NFIB: variants seen among roughly 807,000 people sequenced by gnomAD.
NFIB encodes nuclear factor I B.
Under a neutral mutation model 61.5 loss-of-function variants are expected in NFIB, and 11 were observed. That is an observed-to-expected ratio of 0.18 (90% CI 0.11 to 0.30). NFIB has a LOEUF of 0.30. NFIB is among the 10% of genes least tolerant of loss of function. The probability of loss-of-function intolerance (pLI) is 1.00; values close to 1 mark genes in which losing one functional copy is unlikely to be tolerated. For missense variants in NFIB, 471 were observed against 608.9 expected (o/e 0.77, Z 2.38); for synonymous variants, 260 against 216.5 (o/e 1.20, Z -1.76).
chr9:14,358,951 T>C lies in NFIB; in HGVS notation c.108+39573A>G, dbSNP rs796222299. On this transcript the variant is annotated intron_variant, in intron 1 of 8. Transcript: ENST00000380934. ...ATCATTTGACTGCATTTTACTATTATTTATGCTCTTGAGTTTACTTACATC... is the reference window on the plus strand; with the variant it reads ...ATCATTTGACTGCATTTTACTATTACTTATGCTCTTGAGTTTACTTACATC... 3.9e-4 allele frequency among the ~76,000 whole-genome samples: 59 copies of C among 152,364 alleles called. 1 individual carries two copies. Among genetic ancestry groups the C allele is most frequent in the African/African-American group, 1.3e-3 (55 of 41,590 alleles).
chr9:14,313,800 G>T lies in NFIB; in HGVS notation c.-289C>A. The T allele has an allele frequency of 7.5e-7, 1 of 1,330,724 alleles. No homozygotes were observed. The highest frequency in any genetic ancestry group is 9.6e-7 in the Non-Finnish European group (1 of 1,040,534). 82.4% of individuals were successfully genotyped at this position (1,330,724 alleles called of 1,614,324 possible). On this transcript the variant is annotated 5_prime_UTR_variant, in exon 1 of 11. Transcript: ENST00000380953. This position sits in a 1 kb window ranked among gnomAD's most constrained non-coding sequence, Gnocchi z 4.5. ...GCTTGCCGAGGCCGCCGCCGCCGCC[G>T]GTGTTGGCTGCTTTTCGCCTGGGTT... is the stretch of plus-strand genomic sequence containing the variant.
the NFIB span, among the ~76,000 whole-genome samples, chr9:14,494,360 T>C: frequency 6.6e-6 from 1 of 152,210 alleles, no homozygotes; most frequent in Non-Finnish European, 1.5e-5. Flanking sequence ...GACTTCTTAA[T>C]TTCCCCTTTT....
At chr9:14,488,362 CAAA>C in the NFIB span, among the ~76,000 whole-genome samples, 5 of 128,324 alleles carry the variant, frequency 3.9e-5, no homozygotes, top group Non-Finnish European at 5.2e-5. Flanking sequence ...GACCTTGTCT[CAAA>C]AAAAAAAAAA....
chr9:14,174,244 A>G (rs183474399), intron 3 of NFIB, among the ~76,000 whole-genome samples: 191 of 152,288 alleles, frequency 1.3e-3, no homozygotes, highest in Admixed American at 3.4e-3. Context: ...TAAAGGTTTT[A>G]CCTACGATGT....
intron 2 of NFIB, among the ~76,000 whole-genome samples, chr9:14,187,178 TAAC>T (rs1202765074): frequency 6.6e-6 from 1 of 150,768 alleles, no homozygotes; most frequent in Admixed American, 6.6e-5. Context: ...AAACTTAACT[TAAC>T]AAGCTGTTCA....
Position 14,083,479 on chromosome 9 carries a change from T to TAAAAAAAA in NFIB, c.*4822_*4829dup, listed in dbSNP as rs33918801. The TAAAAAAAA allele has an allele frequency of 7.7e-6, 1 of 129,284 alleles. No individual in the cohort carries two copies. 8.0% of individuals were successfully genotyped at this position (129,284 alleles called of 1,614,324 possible). A position where few individuals can be genotyped will look rare whatever the true frequency, so the allele number is the denominator to read the frequency against. On this transcript the variant is annotated 3_prime_UTR_variant, in exon 11 of 11. Transcript: ENST00000380953. The stretch of plus-strand genomic sequence containing the variant: ...TATTGAACTTGAATAGCCTGCACAT[T>TAAAAAAAA]AAAAAAAAAAAAAAAAAAAAAGTTT...
At chr9:14,243,599 T>C (rs1204812575) in intron 2 of NFIB, among the ~76,000 whole-genome samples, 1 of 120,664 alleles carries the variant, frequency 8.3e-6, no homozygotes, top group Admixed American at 8.3e-5. Flanking sequence ...ATTTACCTAA[T>C]TGGGTATTTT....
chr9:14,380,776 G>A (rs1030612292), intron 1 of NFIB, among the ~76,000 whole-genome samples: 1 of 152,020 alleles, frequency 6.6e-6, no homozygotes, highest in African/African-American at 2.4e-5. Flanking sequence ...AGGAGCTATT[G>A]CCATCCCTGT....
chr9:14,444,940 T>C, the NFIB span, among the ~76,000 whole-genome samples: 5 of 152,326 alleles, frequency 3.3e-5, no homozygotes, highest in African/African-American at 9.6e-5. Flanking sequence ...TATACATTCC[T>C]CAATCATAGA....
At chr9:14,417,273 A>G in the NFIB span, among the ~76,000 whole-genome samples, 1 of 152,192 alleles carries the variant, frequency 6.6e-6, no homozygotes, top group South Asian at 2.1e-4. Context: ...CCATTGTGTT[A>G]TAATTGCTTA....
At chr9:14,263,416 G>A (rs760817079) in intron 2 of NFIB, among the ~76,000 whole-genome samples, 1 of 151,942 alleles carries the variant, frequency 6.6e-6, no homozygotes, top group Non-Finnish European at 1.5e-5. Flanking sequence ...AACCAAGTAC[G>A]TACTCTTGTT....
intron 2 of NFIB, among the ~76,000 whole-genome samples, chr9:14,218,654 G>A (rs2051241655): frequency 6.6e-6 from 1 of 152,088 alleles, no homozygotes; most frequent in Admixed American, 6.5e-5. Context: ...TTTACCAAGG[G>A]CCAAAAGAGC....
rs2060373183 is a variant in NFIB, at chr9:14,313,254, G to A, written c.30+228C>T. Among the ~76,000 whole-genome samples, 1 of 151,472 alleles carries A rather than the reference G, an allele frequency of 6.6e-6. No homozygotes were observed. On this transcript the variant is annotated intron_variant, in intron 1 of 10. Coordinates refer to ENST00000380953, the MANE Select transcript of NFIB (RefSeq NM_001190737.2). The surrounding 1 kb of genome is among the most constrained non-coding windows in gnomAD (Gnocchi z 4.5). ...CCCCGGCGGCCTTGCCCGGCCCAGCGCCCGCGCTCCGTGCCCAGGGCGCGG... is the reference window on the plus strand; with the variant it reads ...CCCCGGCGGCCTTGCCCGGCCCAGCACCCGCGCTCCGTGCCCAGGGCGCGG...
chr9:14,138,668 C>A (rs1047088461), intron 6 of NFIB, among the ~76,000 whole-genome samples: 1 of 152,038 alleles, frequency 6.6e-6, no homozygotes, highest in African/African-American at 2.4e-5. Context: ...TGCAATAAGA[C>A]TGGCAAAGTG....
At chr9:14,455,083 T>C in the NFIB span, among the ~76,000 whole-genome samples, 6 of 152,204 alleles carry the variant, frequency 3.9e-5, no homozygotes, top group Non-Finnish European at 7.4e-5. Context: ...CTGATACAAA[T>C]ACCTGATGAC....
intron 2 of NFIB, among the ~76,000 whole-genome samples, chr9:14,267,102 C>A (rs903340572): frequency 6.6e-6 from 1 of 151,918 alleles, no homozygotes; most frequent in Non-Finnish European, 1.5e-5. Flanking sequence ...AAGAGGCATG[C>A]CAACTTATCA....
intron 2 of NFIB, among the ~76,000 whole-genome samples, chr9:14,181,306 C>G (rs2046746679): frequency 6.6e-6 from 1 of 152,022 alleles, no homozygotes; most frequent in African/African-American, 2.4e-5. Context: ...TTAGTGATTC[C>G]CACATTTTCC....
In NFIB at chr9:14,313,375, AC is replaced by A; in HGVS notation, c.30+106del. 4.6e-6 allele frequency: 7 copies of A among 1,517,774 alleles called. No individual in the cohort carries two copies. Among genetic ancestry groups the A allele is most frequent in the Non-Finnish European group, 6.3e-6 (7 of 1,103,742 alleles). 94.0% of individuals were successfully genotyped at this position (1,517,774 alleles called of 1,614,324 possible). On this transcript the variant is annotated intron_variant, in intron 1 of 10. Coordinates refer to ENST00000380953, the MANE Select transcript of NFIB (RefSeq NM_001190737.2). The surrounding 1 kb of genome is among the most constrained non-coding windows in gnomAD (Gnocchi z 4.5). ...CAACTCCGGGCCACTTCTCCAAGGG[AC>A]GGGGATGTGCGGAGGTTAACTCAAG...
chr9:14,287,227 C>T (rs1047034154), intron 2 of NFIB, among the ~76,000 whole-genome samples: 7 of 151,036 alleles, frequency 4.6e-5, no homozygotes, highest in Non-Finnish European at 7.4e-5. Flanking sequence ...GTCAGGAGAT[C>T]GAGACCATCC....
Sources: allele counts gnomAD v4.1 joint callset (sites outside exome capture counted in the v4.1 genomes callset), GRCh38; gene constraint gnomAD v4.1.1; non-coding constraint Gnocchi (gnomAD v3.1); transcripts MANE v1.5; gene names NCBI Gene and HGNC (gene_info 2026-07-23, HGNC 2026-07-21).